KCND2: variants seen among roughly 807,000 people sequenced by gnomAD.
KCND2 encodes A-type voltage-gated potassium channel KCND2.
Under a neutral mutation model 54.4 loss-of-function variants are expected in KCND2, and 16 were observed. That is an observed-to-expected ratio of 0.29 (90% CI 0.20 to 0.45). KCND2 has a LOEUF of 0.45. Among genes scored for constraint, KCND2 ranks in the 20% least tolerant of loss-of-function variants. The pLI is 1.00. For synonymous variants in KCND2, 317 were observed against 310.7 expected (o/e 1.02, Z -0.21); for missense variants, 486 against 824.2 (o/e 0.59, Z 5.02).
chr7:120,324,133 T>A (rs1214515737), intron 1 of KCND2, among the ~76,000 whole-genome samples: 3 of 151,464 alleles, frequency 2.0e-5, no homozygotes, highest in Non-Finnish European at 2.9e-5. Context: ...TTCACCCACT[T>A]TTTGATAGGG....
At chr7:120,506,711 C>A (rs996214060) in intron 1 of KCND2, among the ~76,000 whole-genome samples, 1 of 151,696 alleles carries the variant, frequency 6.6e-6, no homozygotes, top group Non-Finnish European at 1.5e-5. Context: ...TGTTAGGAAG[C>A]GAGTGATAAA....
chr7:120,724,060 A>G (rs1031523262), intron 1 of KCND2, among the ~76,000 whole-genome samples: 2 of 152,122 alleles, frequency 1.3e-5, no homozygotes, highest in East Asian at 1.9e-4. Context: ...ATCTCCCCTC[A>G]CTCCCTGCCA....
chr7:120,362,356 A>T (rs567138585), intron 1 of KCND2, among the ~76,000 whole-genome samples: 1 of 152,174 alleles, frequency 6.6e-6, no homozygotes, highest in East Asian at 1.9e-4. Context: ...TATCTGCTTG[A>T]CATTTTATAA....
At chr7:120,714,750 T>C (rs903688453) in intron 1 of KCND2, among the ~76,000 whole-genome samples, 7 of 152,032 alleles carry the variant, frequency 4.6e-5, no homozygotes, top group Non-Finnish European at 1.0e-4. Context: ...CAGCCATTCC[T>C]AATTAGAGAA....
intron 1 of KCND2, among the ~76,000 whole-genome samples, chr7:120,615,134 G>A (rs867878671): frequency 1.3e-5 from 2 of 152,086 alleles, no homozygotes; most frequent in African/African-American, 2.4e-5. Context: ...ATGAGGGCTC[G>A]GAACCTTGAG....
rs952314909 is a variant in KCND2, at chr7:120,678,324, C to G, written c.1116-54579C>G. Reference sequence around the variant, plus strand: ...ATGTTTATTAATCCATGGAGCTCTTCTACCGTAGGTATGATTATTTATATA... The same window carrying G: ...ATGTTTATTAATCCATGGAGCTCTTGTACCGTAGGTATGATTATTTATATA... On this transcript the variant is annotated intron_variant, in intron 1 of 5. Coordinates refer to ENST00000331113, the MANE Select transcript of KCND2 (RefSeq NM_012281.3). Among the ~76,000 whole-genome samples, 10 of 140,482 alleles carry G rather than the reference C, an allele frequency of 7.1e-5. 1 individual carries two copies. The Admixed American group carries it at 7.3e-4, about 10-fold the overall frequency. 92.2% of individuals were successfully genotyped at this position (140,482 alleles called of 152,430 possible). A position where few individuals can be genotyped will look rare whatever the true frequency, so the allele number is the denominator to read the frequency against.
intron 1 of KCND2, among the ~76,000 whole-genome samples, chr7:120,397,995 GTATATATATATA>G (rs200944488): frequency 0.11 from 10,451 of 92,934 alleles, 636 homozygotes; most frequent in Admixed American, 0.15. Flanking sequence ...GTGTGTGTGT[GTATATATATATA>G]TATATATATA....
At chr7:120,557,372 A>G (rs1294901279) in intron 1 of KCND2, among the ~76,000 whole-genome samples, 1 of 152,130 alleles carries the variant, frequency 6.6e-6, no homozygotes, top group Non-Finnish European at 1.5e-5. Flanking sequence ...ATTGAACAGT[A>G]GCTCTTCAAA....
chr7:120,638,916 GGAGA>G (rs1013811808), intron 1 of KCND2, among the ~76,000 whole-genome samples: 2 of 152,102 alleles, frequency 1.3e-5, no homozygotes, highest in Non-Finnish European at 2.9e-5. Context: ...ATGTTTGTGT[GGAGA>G]GAGAGAAACT....
intron 1 of KCND2, among the ~76,000 whole-genome samples, chr7:120,309,472 T>C (rs201341926): frequency 0.16 from 19,498 of 122,244 alleles, 1,652 homozygotes; most frequent in African/African-American, 0.21. Context: ...TATATATATA[T>C]ATACACACAC....
At chr7:120,664,402 G>A (rs1015124027) in intron 1 of KCND2, among the ~76,000 whole-genome samples, 5 of 151,818 alleles carry the variant, frequency 3.3e-5, no homozygotes, top group Admixed American at 1.3e-4. Context: ...TATTTTGAAT[G>A]TAATACACTG....
At chr7:120,593,954 C>T (rs1348986255) in intron 1 of KCND2, among the ~76,000 whole-genome samples, 1 of 152,154 alleles carries the variant, frequency 6.6e-6, no homozygotes, top group Non-Finnish European at 1.5e-5. Context: ...TGCTGGCCTG[C>T]CCAGACCAGT....
At chr7:120,517,626 A>G (rs1398238627) in intron 1 of KCND2, among the ~76,000 whole-genome samples, 1 of 152,158 alleles carries the variant, frequency 6.6e-6, no homozygotes, top group Admixed American at 6.6e-5. Flanking sequence ...TTTGTTATGC[A>G]GATTAAAAAT....
At chr7:120,457,880 G>A (rs1802222826) in intron 1 of KCND2, among the ~76,000 whole-genome samples, 1 of 152,156 alleles carries the variant, frequency 6.6e-6, no homozygotes, top group African/African-American at 2.4e-5. Flanking sequence ...ACATGACCAA[G>A]ACTGGGTAAT....
intron 1 of KCND2, among the ~76,000 whole-genome samples, chr7:120,560,274 A>G (rs1250254108): frequency 2.0e-5 from 3 of 152,196 alleles, no homozygotes; most frequent in Non-Finnish European, 2.9e-5. Flanking sequence ...CTTGCTGTAT[A>G]TTAATCAGCA....
chr7:120,452,586 G>C (rs527319014), intron 1 of KCND2, among the ~76,000 whole-genome samples: 1 of 152,110 alleles, frequency 6.6e-6, no homozygotes, highest in East Asian at 1.9e-4. Context: ...GCAACTCCTG[G>C]GGAAGAAGTG....
At chr7:120,711,663 TA>T (rs1394085889) in intron 1 of KCND2, among the ~76,000 whole-genome samples, 1 of 152,172 alleles carries the variant, frequency 6.6e-6, no homozygotes, top group Non-Finnish European at 1.5e-5. Context: ...TATGAACAAG[TA>T]AAAGGCTTTA....
At chr7:120,445,673 A>G (rs1211227077) in intron 1 of KCND2, among the ~76,000 whole-genome samples, 3 of 152,162 alleles carry the variant, frequency 2.0e-5, no homozygotes, top group Non-Finnish European at 4.4e-5. Flanking sequence ...TAGAGATTTT[A>G]TTGGAAGAAA....
chr7:120,551,009 A>G (rs1162781375), intron 1 of KCND2, among the ~76,000 whole-genome samples: 2 of 152,192 alleles, frequency 1.3e-5, no homozygotes, highest in African/African-American at 4.8e-5. Context: ...AGAATTTGCA[A>G]CTATTTATTG....
Sources: gnomAD v4.1 joint callset for allele counts (sites outside exome capture counted in the v4.1 genomes callset) on GRCh38, gnomAD v4.1.1 for gene constraint, MANE v1.5 for transcripts, NCBI Gene and HGNC (gene_info 2026-07-23, HGNC 2026-07-21) for gene names.